Variants in CAPN9 observed in about 807,000 individuals in gnomAD.
CAPN9 encodes calpain 9, also known as calpain-9.
CAPN9 carries 81 observed loss-of-function variants against 92.8 expected under a neutral mutation model. The observed-to-expected ratio is 0.87, with a 90% confidence interval of 0.73 to 1.05. The LOEUF (loss-of-function observed/expected upper bound fraction) is 1.05, where lower values mean the gene tolerates loss of function less well. Ranked by LOEUF, CAPN9 falls within the 50% of genes least tolerant of loss-of-function variation. The probability of loss-of-function intolerance (pLI) is 0.00; values close to 1 mark genes in which losing one functional copy is unlikely to be tolerated. For missense variants in CAPN9, 848 were observed against 866.2 expected (o/e 0.98, Z 0.26); for synonymous variants, 304 against 328.0 (o/e 0.93, Z 0.79).
intron 18 of CAPN9, among the ~76,000 whole-genome samples, chr1:230,795,819 G>A (rs1348350393): frequency 1.3e-5 from 2 of 152,168 alleles, no homozygotes; most frequent in Non-Finnish European, 2.9e-5. Flanking sequence ...CTGTAACTCA[G>A]TACTGGAGTG....
At chr1:230,764,108 G>A (rs1187981505) in intron 4 of CAPN9, among the ~76,000 whole-genome samples, 1 of 152,238 alleles carries the variant, frequency 6.6e-6, no homozygotes, top group Non-Finnish European at 1.5e-5. Flanking sequence ...TTAGTTTTAT[G>A]TGTCAACTTG....
At position 230,759,538 on chromosome 1, in the gene CAPN9, G is replaced by A. The variant is rs142931612; in HGVS notation, c.310G>A (p.Ala104Thr). 116 of 1,608,880 alleles carry A rather than the reference G, an allele frequency of 7.2e-5. No individual in the cohort carries two copies. The African/African-American group carries it at 1.1e-3, about 15-fold the overall frequency. The change falls in exon 3 of 20, where the codon GCC (alanine) becomes ACC (threonine). Residue 104 changes from alanine (A) to threonine (T), a missense_variant. Physicochemically the swap from Ala to Thr is moderately conservative, Grantham distance 58 (BLOSUM62 0). Transcript: ENST00000271971. ...AGACTGCTGGCTATTAGCCGCCATC[G>A]CCTCCCTTACGCTTAATCAAAAAGC... The part of the protein sequence containing the change: ...LGDCWLLAAI[A>T]SLTLNQKALA...
At chr1:230,796,056 G>A (rs1668334389) in intron 18 of CAPN9, among the ~76,000 whole-genome samples, 1 of 151,616 alleles carries the variant, frequency 6.6e-6, no homozygotes, top group Non-Finnish European at 1.5e-5. Flanking sequence ...CAGGGGGCTG[G>A]GCACAGTGGC....
rs147032871 is a variant in CAPN9 at position 230,749,379 on chromosome 1, G to C, written c.213+1670G>C. Among the ~76,000 whole-genome samples the C allele has an allele frequency of 8.8e-3, 1,337 of 152,344 alleles. 23 individuals carry two copies. Among genetic ancestry groups the C allele is most frequent in the African/African-American group, 0.03 (1,242 of 41,582 alleles). On this transcript the variant is annotated intron_variant, in intron 1 of 19. Transcript: ENST00000271971. ...AGCAGAAGTTACAAGACATAAAAGAGTGACCCTCTGAGGGGCACCGCCCAC... is the reference window on the plus strand; with the variant it reads ...AGCAGAAGTTACAAGACATAAAAGACTGACCCTCTGAGGGGCACCGCCCAC...
chr1:230,751,660 AAAGAAAGAAAGAAAGAAAGAAAGAAGG>A lies in CAPN9; in HGVS notation c.214-3676_214-3650del, dbSNP rs1408108544. Among the ~76,000 whole-genome samples the A allele has an allele frequency of 4.2e-4, 25 of 59,224 alleles. 1 individual carries two copies. Among genetic ancestry groups the A allele is most frequent in the Non-Finnish European group, 6.8e-4 (20 of 29,238 alleles). 38.9% of individuals were successfully genotyped at this position (59,224 alleles called of 152,430 possible). A position where few individuals can be genotyped will look rare whatever the true frequency, so the allele number is the denominator to read the frequency against. The stretch of plus-strand genomic sequence containing the variant: ...GAAAGAAAGAAAGAAAGAAAGAAAG[AAAGAAAGAAAGAAAGAAAGAAAGAAGG>A]GTGGCTTTTCCCTTTGTGAATTATT... On this transcript the variant is annotated intron_variant, in intron 1 of 19. Coordinates refer to ENST00000271971, the MANE Select transcript of CAPN9 (RefSeq NM_006615.3).
intron 6 of CAPN9, among the ~76,000 whole-genome samples, 167 bp downstream of exon 6, chr1:230,769,430 G>C (rs1666233875): frequency 6.6e-6 from 1 of 152,238 alleles, no homozygotes. Context: ...AGCCAGGAAA[G>C]AGAGAAACCA....
At chr1:230,780,095 TG>T in intron 9 of CAPN9, 83 bp from the exon 10 acceptor site, 1 of 817,420 alleles carries the variant, frequency 1.2e-6, no homozygotes, top group Non-Finnish European at 2.0e-6. Context: ...TGTGTGTGTG[TG>T]TGTGTGTGTG....
intron 4 of CAPN9, among the ~76,000 whole-genome samples, chr1:230,765,406 C>T (rs1308885261): frequency 1.3e-5 from 2 of 152,146 alleles, no homozygotes; most frequent in African/African-American, 2.4e-5. Context: ...CACCTGTAAT[C>T]CCAGCACTTT....
intron 13 of CAPN9, among the ~76,000 whole-genome samples, chr1:230,789,350 A>C (rs549335225): frequency 6.6e-6 from 1 of 152,076 alleles, no homozygotes; most frequent in South Asian, 2.1e-4. Flanking sequence ...GTGCATGCCT[A>C]TAGTCCCAGC....
chr1:230,781,900 T>C (rs1402873477), intron 11 of CAPN9, among the ~76,000 whole-genome samples: 3 of 152,226 alleles, frequency 2.0e-5, no homozygotes, highest in Admixed American at 6.5e-5. Context: ...TTCTTTCTCT[T>C]GGCTAAATAG....
chr1:230,750,535 G>A (rs1196694403), intron 1 of CAPN9, among the ~76,000 whole-genome samples: 5 of 150,818 alleles, frequency 3.3e-5, no homozygotes, highest in African/African-American at 5.0e-5. Context: ...GCATAGAGTC[G>A]CAGGGAGCCG....
At chr1:230,796,042 A>AT (rs1198230727) in intron 18 of CAPN9, among the ~76,000 whole-genome samples, 8 of 151,684 alleles carry the variant, frequency 5.3e-5, no homozygotes, top group Admixed American at 1.3e-4. Context: ...AAAAAAAAAA[A>AT]AGGCAGGGGG....
At position 230,747,411 on chromosome 1, in the gene CAPN9, TC is replaced by T. The variant is rs1208838269; in HGVS notation, c.-84del. 2 of 1,211,644 alleles carry T rather than the reference TC, an allele frequency of 1.7e-6. No individual in the cohort carries two copies. Among genetic ancestry groups the T allele is most frequent in the African/African-American group, 3.0e-5 (2 of 67,244 alleles). 75.1% of individuals were successfully genotyped at this position (1,211,644 alleles called of 1,614,324 possible). A position where few individuals can be genotyped will look rare whatever the true frequency, so the allele number is the denominator to read the frequency against. On this transcript the variant is annotated 5_prime_UTR_variant, in exon 1 of 20. Transcript: ENST00000271971. ...TCAGCCCAGTGGCCCTCTGAGCTGT[TC>T]CTTCTTGACCGGCACACACAGCTCG... is the stretch of plus-strand genomic sequence containing the variant.
intron 11 of CAPN9, among the ~76,000 whole-genome samples, chr1:230,785,454 A>C (rs927675022): frequency 2.0e-5 from 3 of 152,106 alleles, no homozygotes; most frequent in Non-Finnish European, 2.9e-5. Context: ...TGTTTGGGTC[A>C]TGGGGGCGGA....
chr1:230,784,516 A>T (rs934949602), intron 11 of CAPN9, among the ~76,000 whole-genome samples: 1 of 152,232 alleles, frequency 6.6e-6, no homozygotes, highest in Non-Finnish European at 1.5e-5. Flanking sequence ...CTCCAGCTCC[A>T]GTCTCTGCTC....
intron 2 of CAPN9, among the ~76,000 whole-genome samples, chr1:230,757,584 TA>T (rs1388339092): frequency 6.6e-6 from 1 of 151,864 alleles, no homozygotes; most frequent in African/African-American, 2.4e-5. Flanking sequence ...CCACCCACAA[TA>T]AGAACTAGAA....
Position 230,791,877 on chromosome 1 carries a change from A to G in CAPN9, c.1671A>G (p.Lys557=), listed in dbSNP as rs1348343038. 8.1e-6 allele frequency: 13 copies of G among 1,613,692 alleles called. No individual in the cohort carries two copies. The highest frequency in any genetic ancestry group is 1.1e-5 in the Non-Finnish European group (13 of 1,179,584). The part of the protein sequence containing the change: ...NAVLQKKKDI[K]FKKLSLISCK... ...GTGCAATTTCAGAAAAGGACATCAAATTCAAGAAGCTAAGCCTGATCTCCT... is the reference window on the plus strand; with the variant it reads ...GTGCAATTTCAGAAAAGGACATCAAGTTCAAGAAGCTAAGCCTGATCTCCT... Residue 557 remains lysine (K), a synonymous_variant, in exon 15 of 20, where the codon AAA becomes AAG. Coordinates refer to ENST00000271971, the MANE Select transcript of CAPN9 (RefSeq NM_006615.3).
At chr1:230,768,010 T>C (rs865937850) in intron 5 of CAPN9, among the ~76,000 whole-genome samples, 1 of 139,648 alleles carries the variant, frequency 7.2e-6, no homozygotes, top group African/African-American at 2.7e-5. Flanking sequence ...ACTTAAAGTA[T>C]AATAAATAAA....
chr1:230,748,818 A>T (rs1664589072), intron 1 of CAPN9, among the ~76,000 whole-genome samples: 1 of 151,962 alleles, frequency 6.6e-6, no homozygotes, highest in Non-Finnish European at 1.5e-5. Flanking sequence ...ATTAAAAACA[A>T]TTTTTTTTAA....
Sources: allele counts gnomAD v4.1 joint callset (sites outside exome capture counted in the v4.1 genomes callset), GRCh38; gene constraint gnomAD v4.1.1; transcripts MANE v1.5; gene names NCBI Gene and HGNC (gene_info 2026-07-23, HGNC 2026-07-21).